Variants in VASP observed in about 807,000 individuals in gnomAD.
The protein encoded by VASP is vasodilator-stimulated phosphoprotein.
In VASP, 27 loss-of-function variants were observed where a neutral mutation model predicts 54.4. The ratio of observed to expected loss-of-function variants is 0.50; its 90% confidence interval spans 0.37 to 0.68. VASP has a LOEUF of 0.68. VASP is among the 30% of genes least tolerant of loss of function. The pLI, the probability that VASP is intolerant of heterozygous loss-of-function variation, is 0.00. For missense variants in VASP, 488 were observed against 528.3 expected, an observed-to-expected ratio of 0.92 and a Z score of 0.75; for synonymous variants, 233 against 209.8, an observed-to-expected ratio of 1.11 and a Z score of -0.96.
At chr19:45,514,647 C>CA (rs1308975157) in intron 1 of VASP, among the ~76,000 whole-genome samples, 30 of 152,224 alleles carry the variant, frequency 2.0e-4, no homozygotes, top group African/African-American at 6.3e-4. Flanking sequence ...CTCAGTAGGG[C>CA]AGGGCTGCCT....
At chr19:45,518,470 G>A (rs1369284606) in intron 3 of VASP, among the ~76,000 whole-genome samples, 2 of 152,116 alleles carry the variant, frequency 1.3e-5, no homozygotes, top group African/African-American at 4.8e-5. Flanking sequence ...GCTGAGGGAC[G>A]AGAAGTGTTT....
intron 1 of VASP, among the ~76,000 whole-genome samples, chr19:45,515,263 CT>C (rs1477904858): frequency 6.6e-6 from 1 of 152,118 alleles, no homozygotes; most frequent in African/African-American, 2.4e-5. Flanking sequence ...TGACCACCAA[CT>C]TCCCCATTTC....
In VASP at chr19:45,526,594, G is replaced by GA. The variant is rs1395644622; in HGVS notation, c.*420dup. The GA allele has an allele frequency of 6.5e-6, 1 of 153,670 alleles. No individual in the cohort carries two copies. The highest frequency in any genetic ancestry group is 1.5e-5 in the Non-Finnish European group (1 of 68,892). The allele number at this position is 153,670 out of a possible 1,614,324, so 9.5% of individuals were successfully genotyped here. On this transcript the variant is annotated 3_prime_UTR_variant, in exon 13 of 13. Coordinates refer to ENST00000245932, the MANE Select transcript of VASP (RefSeq NM_003370.4). ...TATATTTGGGTTTTGGGGGAAAAGG[G>GA]AAATTTTTTTTTCTCTTTGGTTTTG...
chr19:45,508,184 A>G lies in VASP; in HGVS notation c.5+408A>G, dbSNP rs534491941. Among the ~76,000 whole-genome samples the G allele has an allele frequency of 6.6e-4, 101 of 152,000 alleles. 2 individuals are homozygous for G. Among genetic ancestry groups the G allele is most frequent in the Non-Finnish European group, 3.1e-4 (21 of 67,952 alleles). ...GGATTGTGGGGGACCGATTTGGGAT[A>G]CCCTGGGACTTGGAAGAGAGACTGA... On this transcript the variant is annotated intron_variant, in intron 1 of 12. Transcript: ENST00000245932.
At chr19:45,524,545 T>C (rs1258460536) in intron 10 of VASP, 25 bp from the exon 11 acceptor site, 1 of 1,611,346 alleles carries the variant, frequency 6.2e-7, no homozygotes, top group Admixed American at 1.7e-5. Flanking sequence ...CTCATTGCTG[T>C]CCCAAACCAC....
At chr19:45,516,828 G>A (rs913088550) in intron 1 of VASP, among the ~76,000 whole-genome samples, 1 of 151,518 alleles carries the variant, frequency 6.6e-6, no homozygotes. Flanking sequence ...GTGAAACCTC[G>A]TCTCTACTAA....
chr19:45,507,535 G>A lies in VASP; in HGVS notation c.-237G>A, dbSNP rs558955466. 2.2e-3 allele frequency: 1,133 copies of A among 509,684 alleles called. 4 individuals are homozygous for A. The highest frequency in any genetic ancestry group is 3.4e-3 in the Non-Finnish European group (992 of 289,678). The allele number at this position is 509,684 out of a possible 1,614,324, so 31.6% of individuals were successfully genotyped here. A position where few individuals can be genotyped will look rare whatever the true frequency, so the allele number is the denominator to read the frequency against. On this transcript the variant is annotated 5_prime_UTR_variant, in exon 1 of 13. Transcript: ENST00000245932. The surrounding 1 kb of genome is among the most constrained non-coding windows in gnomAD (Gnocchi z 4.4). The stretch of plus-strand genomic sequence containing the variant: ...CGGCAAGGGGTGCGCGCTGGGGAGC[G>A]GACGCTGCATCCCCTTTCTGCTGCA...
intron 7 of VASP, among the ~76,000 whole-genome samples, chr19:45,523,387 GAC>G (rs1968888498): frequency 6.6e-6 from 1 of 151,450 alleles, no homozygotes; most frequent in Non-Finnish European, 1.5e-5. Flanking sequence ...ATTTTTAGTA[GAC>G]ACAGGATTTC....
chr19:45,522,969 A>G, intron 7 of VASP, 151 bp downstream of exon 7: 1 of 841,646 alleles, frequency 1.2e-6, no homozygotes, highest in Non-Finnish European at 1.8e-6. Context: ...GGGGTTTGTC[A>G]TGAAATGCCT....
intron 9 of VASP, 78 bp from the exon 10 acceptor site, chr19:45,524,019 T>C (rs1968904382): frequency 6.2e-7 from 1 of 1,608,800 alleles, no homozygotes; most frequent in South Asian, 1.1e-5. Flanking sequence ...GATCAGGGGC[T>C]GATGAGGTTG....
chr19:45,519,043 C>T (rs1473506326), intron 3 of VASP, among the ~76,000 whole-genome samples: 3 of 151,932 alleles, frequency 2.0e-5, no homozygotes, highest in Non-Finnish European at 2.9e-5. Context: ...GAGACAGAGT[C>T]TCACTCTGTT....
At chr19:45,509,847 C>A (rs924502901) in intron 1 of VASP, among the ~76,000 whole-genome samples, 10 of 152,172 alleles carry the variant, frequency 6.6e-5, no homozygotes, top group Non-Finnish European at 1.2e-4. Context: ...AATTCCTAGG[C>A]AACGTTGGAG....
At chr19:45,508,639 G>A (rs1968539392) in intron 1 of VASP, among the ~76,000 whole-genome samples, 1 of 152,172 alleles carries the variant, frequency 6.6e-6, no homozygotes, top group Non-Finnish European at 1.5e-5. Flanking sequence ...AGCGCTGTAG[G>A]CCGGCTGCCT....
rs112095290 is a variant in VASP at position 45,516,983 on chromosome 19, C to CAA, written c.6-658_6-657dup. On this transcript the variant is annotated intron_variant, in intron 1 of 12. Transcript: ENST00000245932. Reference sequence around the variant, plus strand: ...CGGGTGACAGAGTAAGACTCTGTCTCAAAAAAAAAAAAAAAAAAAAAAAGA... The same window carrying CAA: ...CGGGTGACAGAGTAAGACTCTGTCTCAAAAAAAAAAAAAAAAAAAAAAAAAGA... Among the ~76,000 whole-genome samples, 45 of 57,822 alleles carry CAA rather than the reference C, an allele frequency of 7.8e-4. 1 individual carries two copies. The highest frequency in any genetic ancestry group is 1.3e-3 in the South Asian group (2 of 1,510). 37.9% of individuals were successfully genotyped at this position (57,822 alleles called of 152,430 possible). A position where few individuals can be genotyped will look rare whatever the true frequency, so the allele number is the denominator to read the frequency against.
At chr19:45,514,537 C>G (rs74253362) in intron 1 of VASP, among the ~76,000 whole-genome samples, 6,977 of 152,284 alleles carry the variant, frequency 0.046, 344 homozygotes, top group East Asian at 0.21. Context: ...CGTGTTTTAA[C>G]AGGATCCTTC....
chr19:45,514,006 G>C (rs1225782608), intron 1 of VASP, among the ~76,000 whole-genome samples: 1 of 152,218 alleles, frequency 6.6e-6, no homozygotes, highest in South Asian at 2.1e-4. Flanking sequence ...GACAAATATT[G>C]TGTTGGGCAG....
intron 7 of VASP, among the ~76,000 whole-genome samples, chr19:45,523,189 A>ATTTTTTTTTTTTTT (rs1568390471): frequency 1.5e-4 from 16 of 106,968 alleles, no homozygotes; most frequent in Non-Finnish European, 2.0e-4. Context: ...CAATCTCTTG[A>ATTTTTTTTTTTTTT]ATTTTTTTTT....
chr19:45,512,108 C>T (rs900303054), intron 1 of VASP, among the ~76,000 whole-genome samples: 1 of 150,894 alleles, frequency 6.6e-6, no homozygotes, highest in Non-Finnish European at 1.5e-5. Flanking sequence ...TGAGATTACA[C>T]CACTGCCAGC....
At chr19:45,516,354 C>A (rs889563415) in intron 1 of VASP, among the ~76,000 whole-genome samples, 2 of 152,222 alleles carry the variant, frequency 1.3e-5, no homozygotes, top group African/African-American at 4.8e-5. Flanking sequence ...GGGTGGGCAG[C>A]GGGAAGTCCC....
Sources: allele counts gnomAD v4.1 joint callset (sites outside exome capture counted in the v4.1 genomes callset), GRCh38; gene constraint gnomAD v4.1.1; non-coding constraint Gnocchi (gnomAD v3.1); transcripts MANE v1.5; gene names NCBI Gene and HGNC (gene_info 2026-07-23, HGNC 2026-07-21).